Variants in CNGB1 observed in about 807,000 individuals in gnomAD.
CNGB1 encodes cyclic nucleotide gated channel subunit beta 1, also known as cyclic nucleotide-gated channel beta-1.
Under a neutral mutation model 151.7 loss-of-function variants are expected in CNGB1, and 126 were observed. The ratio of observed to expected loss-of-function variants is 0.83; its 90% CI spans 0.72 to 0.96. The LOEUF (loss-of-function observed/expected upper bound fraction) is 0.96, where lower values mean the gene tolerates loss of function less well. CNGB1 is among the 40% of genes least tolerant of loss of function. The pLI is 0.00. For synonymous variants in CNGB1, 623 were observed against 635.1 expected (o/e 0.98, Z 0.29); for missense variants, 1,698 against 1,627.0 (o/e 1.04, Z -0.75).
At chr16:57,969,103 C>T (rs754413437) in intron 1 of CNGB1, among the ~76,000 whole-genome samples, 1 of 152,044 alleles carries the variant, frequency 6.6e-6, no homozygotes, top group African/African-American at 2.4e-5. Context: ...GTCAGGAGTT[C>T]GAGATCAGCC....
Position 57,884,071 on chromosome 16 carries a change from C to T in CNGB1, c.*93G>A. 1.3e-6 allele frequency: 2 copies of T among 1,569,184 alleles called. No individual in the cohort carries two copies. Among genetic ancestry groups the T allele is most frequent in the Non-Finnish European group, 1.8e-6 (2 of 1,139,904 alleles). On this transcript the variant is annotated 3_prime_UTR_variant, in exon 33 of 33. Transcript: ENST00000251102. The stretch of plus-strand genomic sequence containing the variant: ...TACGGAAAAGCATCTTCTCTTGAGC[C>T]GTGGGGGAAGGTGGGGCGCTGGGGC...
chr16:57,897,914 C>G lies in CNGB1; in HGVS notation c.2977G>C (p.Gly993Arg). The G allele has an allele frequency of 6.2e-7, 1 of 1,614,144 alleles. No homozygotes were observed. Among genetic ancestry groups the G allele is most frequent in the Non-Finnish European group, 8.5e-7 (1 of 1,179,958 alleles). The stretch of plus-strand genomic sequence containing the variant: ...ATGTACATCTCACGGCCGATCTCCC[C>G]CTGAAACAAAGAAGTGACAAGTCCC... ...YLPNDYVCKK[G>R]EIGREMYIIQ... Residue 993 changes from glycine (G) to arginine (R), a missense_variant and splice_region_variant, in exon 30 of 33, where the codon GGG becomes CGG. Transcript: ENST00000251102.
intron 18 of CNGB1, 101 bp from the exon 19 acceptor site, chr16:57,920,645 G>A: frequency 2.8e-6 from 4 of 1,447,934 alleles, no homozygotes; most frequent in Non-Finnish European, 3.8e-6. Flanking sequence ...TTCTGACAGA[G>A]CCTGAAGGAG....
chr16:57,955,243 A>C (rs1962055336), intron 12 of CNGB1: 1 of 1,543,958 alleles, frequency 6.5e-7, no homozygotes, highest in African/African-American at 1.4e-5. Context: ...GTGGGGTGTC[A>C]GTGGCCACCT....
chr16:57,970,577 C>G (rs943979543), intron 1 of CNGB1, among the ~76,000 whole-genome samples: 1 of 152,218 alleles, frequency 6.6e-6, no homozygotes, highest in Admixed American at 6.5e-5. Flanking sequence ...CCTGTAGACC[C>G]TTCCCAGCAG....
intron 12 of CNGB1, among the ~76,000 whole-genome samples, chr16:57,952,370 C>T (rs1200715631): frequency 6.6e-6 from 1 of 152,162 alleles, no homozygotes; most frequent in Non-Finnish European, 1.5e-5. Context: ...AGTGGCCACT[C>T]CTTATGGGGT....
In CNGB1 at chr16:57,967,110, T is replaced by A; in HGVS notation, c.159+18A>T. On this transcript the variant is annotated intron_variant, in intron 2 of 32. Coordinates refer to ENST00000251102, the MANE Select transcript of CNGB1 (RefSeq NM_001297.5). Reference sequence around the variant, plus strand: ...AGCAGCGAGGCCGGCCTGCCCCTCCTCCCGCTCTACCTCTCACCATGGACT... The same window carrying A: ...AGCAGCGAGGCCGGCCTGCCCCTCCACCCGCTCTACCTCTCACCATGGACT... 1 of 1,614,054 alleles carries A rather than the reference T, an allele frequency of 6.2e-7. No individual in the cohort carries two copies. Among genetic ancestry groups the A allele is most frequent in the Non-Finnish European group, 8.5e-7 (1 of 1,180,000 alleles).
rs117600154 is a variant in CNGB1 at position 57,908,572 on chromosome 16, C to T, written c.2492+3181G>A. Among the ~76,000 whole-genome samples, 295 of 152,390 alleles carry T rather than the reference C, an allele frequency of 1.9e-3. 1 individual carries two copies. The highest frequency in any genetic ancestry group is 5.9e-3 in the African/African-American group (246 of 41,598). On this transcript the variant is annotated intron_variant, in intron 25 of 32. Coordinates refer to ENST00000251102, the MANE Select transcript of CNGB1 (RefSeq NM_001297.5). Reference sequence around the variant, plus strand: ...GGCTCAGAGGCATCTACTCCTGTCACTTCTTTAGGGTGGGAGTCCCATTTG... The same window carrying T: ...GGCTCAGAGGCATCTACTCCTGTCATTTCTTTAGGGTGGGAGTCCCATTTG...
At chr16:57,884,577 C>G in intron 32 of CNGB1, 120 bp from the exon 33 acceptor site, 1 of 1,070,836 alleles carries the variant, frequency 9.3e-7, no homozygotes, top group Admixed American at 2.0e-5. Context: ...GAACACACAG[C>G]GGGTGAAATC....
At position 57,931,858 on chromosome 16, in the gene CNGB1, G is replaced by A. The variant is rs1238008286; in HGVS notation, c.1393C>T (p.Pro465Ser). 5.6e-6 allele frequency: 9 copies of A among 1,613,980 alleles called. No individual in the cohort carries two copies. Among genetic ancestry groups the A allele is most frequent in the Non-Finnish European group, 7.6e-6 (9 of 1,180,036 alleles). Residue 465 changes from proline (P) to serine (S), a missense_variant, in exon 17 of 33, where the codon CCA (proline) becomes TCA (serine). Physicochemically the swap from Pro to Ser is moderately conservative, Grantham distance 74 (BLOSUM62 -1). Transcript: ENST00000251102. Reference protein sequence around the residue: ...SSGVPATKQHPEVQVEDTDAD... With the variant: ...SSGVPATKQHSEVQVEDTDAD... Reference sequence around the variant, plus strand: ...TCAGTATCTTCCACCTGCACTTCTGGGTGCTGTTTCGTGGCAGGCACTGGG... The same window carrying A: ...TCAGTATCTTCCACCTGCACTTCTGAGTGCTGTTTCGTGGCAGGCACTGGG...
At chr16:57,917,757 T>C (rs1297120545) in intron 20 of CNGB1, among the ~76,000 whole-genome samples, 1 of 150,304 alleles carries the variant, frequency 6.7e-6, no homozygotes, top group East Asian at 2.0e-4. Flanking sequence ...AGCCCAGGAG[T>C]TTAAGACCAG....
rs1378109147 is a variant in CNGB1 at position 57,882,762 on chromosome 16, T to A, written c.*1402A>T. The A allele has an allele frequency of 6.6e-6, 1 of 152,016 alleles. No individual in the cohort carries two copies. The allele number at this position is 152,016 out of a possible 1,614,324, so 9.4% of individuals were successfully genotyped here. A position where few individuals can be genotyped will look rare whatever the true frequency, so the allele number is the denominator to read the frequency against. ...TAAAATCCTCTTGATAAATATTCAT[T>A]CCCTGAATGACCCTTTTTTCTTTTT... On this transcript the variant is annotated 3_prime_UTR_variant, in exon 33 of 33. Transcript: ENST00000251102.
chr16:57,962,100 T>C (rs1453510100), intron 7 of CNGB1, among the ~76,000 whole-genome samples: 1 of 152,184 alleles, frequency 6.6e-6, no homozygotes, highest in African/African-American at 2.4e-5. Flanking sequence ...CGGAGCTCCC[T>C]GGCTCCCCTC....
chr16:57,916,281 G>A lies in CNGB1; in HGVS notation c.2167-102C>T. 5.3e-6 allele frequency: 6 copies of A among 1,125,552 alleles called. 1 individual carries two copies. Among genetic ancestry groups the A allele is most frequent in the South Asian group, 3.7e-5 (3 of 80,020 alleles). The allele number at this position is 1,125,552 out of a possible 1,614,324, so 69.7% of individuals were successfully genotyped here. On this transcript the variant is annotated intron_variant, in intron 21 of 32. Transcript: ENST00000251102. Reference sequence around the variant, plus strand: ...CCCCAAGAACCCCACCCTGAAACGAGCATAACAGCCCAAGGACCATCTGAG... The same window carrying A: ...CCCCAAGAACCCCACCCTGAAACGAACATAACAGCCCAAGGACCATCTGAG...
Position 57,939,469 on chromosome 16 carries a change from C to T in CNGB1, c.1333G>A (p.Glu445Lys). Reference protein sequence around the residue: ...KEPQDWAETKEEPEAEAEAAS... With the variant: ...KEPQDWAETKKEPEAEAEAAS... ...GCCTCGGCCTCAGCCTCAGGCTCCT[C>T]CTTGGTCTCCGCCCAGTCCTGGGGC... The change falls in exon 16 of 33, where the codon GAG becomes AAG. Residue 445 changes from glutamate to lysine, a missense_variant. Glu to Lys is a moderately conservative substitution (Grantham distance 56). Transcript: ENST00000251102. The T allele has an allele frequency of 6.2e-7, 1 of 1,614,192 alleles. No individual in the cohort carries two copies. Among genetic ancestry groups the T allele is most frequent in the Non-Finnish European group, 8.5e-7 (1 of 1,180,030 alleles).
chr16:57,895,484 T>A (rs1960197685), intron 31 of CNGB1, among the ~76,000 whole-genome samples: 1 of 151,046 alleles, frequency 6.6e-6, no homozygotes, highest in Non-Finnish European at 1.5e-5. Flanking sequence ...AAAATTTAAG[T>A]TGGCATATAC....
At chr16:57,906,540 C>T (rs1299423899) in intron 25 of CNGB1, among the ~76,000 whole-genome samples, 4 of 152,132 alleles carry the variant, frequency 2.6e-5, no homozygotes, top group Admixed American at 6.5e-5. Context: ...GGCTGTGGGC[C>T]GCCCTGCACC....
chr16:57,897,819 A>C lies in CNGB1; in HGVS notation c.3072T>G (p.Ala1024=), dbSNP rs199704464. 6.2e-7 allele frequency: 1 copy of C among 1,614,210 alleles called. No individual in the cohort carries two copies. Among genetic ancestry groups the C allele is most frequent in the Non-Finnish European group, 8.5e-7 (1 of 1,180,022 alleles). ...ACCTTATTTCTCCAAACACAGATCC[A>C]GCTTTCAGCGTCACCAGCACAGATT... ...DGKSVLVTLK[A]GSVFGEISLL... The change falls in exon 30 of 33, where the codon GCT becomes GCG. Residue 1024 remains alanine, a synonymous_variant. Coordinates refer to ENST00000251102, the MANE Select transcript of CNGB1 (RefSeq NM_001297.5).
intron 9 of CNGB1, 87 bp from the exon 10 acceptor site, chr16:57,960,152 C>A (rs759663687): frequency 2.1e-5 from 32 of 1,521,904 alleles, no homozygotes; most frequent in Middle Eastern, 2.1e-4. Context: ...AGATTCGAGT[C>A]GCTAACAGGA....
Sources: allele counts gnomAD v4.1 joint callset (sites outside exome capture counted in the v4.1 genomes callset), GRCh38; gene constraint gnomAD v4.1.1; transcripts MANE v1.5; gene names NCBI Gene and HGNC (gene_info 2026-07-23, HGNC 2026-07-21).